Variants in VPS8 observed in about 807,000 individuals in gnomAD.
The protein encoded by VPS8 is vacuolar protein sorting-associated protein 8 homolog.
Under a neutral mutation model 216.4 loss-of-function variants are expected in VPS8, and 129 were observed. That is an observed-to-expected ratio of 0.60 (90% CI 0.52 to 0.69). The LOEUF (loss-of-function observed/expected upper bound fraction) is 0.69. Ranked by LOEUF, VPS8 falls within the 30% of genes least tolerant of loss-of-function variation. The pLI is 0.00. For missense variants in VPS8, 1,531 were observed against 1,683.5 expected (o/e 0.91, Z 1.59); for synonymous variants, 571 against 565.4 (o/e 1.01, Z -0.14).
intron 14 of VPS8, among the ~76,000 whole-genome samples, chr3:184,856,289 GTT>G (rs1725238436): frequency 1.3e-5 from 2 of 152,164 alleles, no homozygotes; most frequent in Non-Finnish European, 2.9e-5. Context: ...ACAGAAAATG[GTT>G]TAAGGATTGA....
At chr3:185,039,936 A>G (rs1440059165) in intron 46 of VPS8, among the ~76,000 whole-genome samples, 2 of 152,172 alleles carry the variant, frequency 1.3e-5, no homozygotes, top group East Asian at 3.9e-4. Flanking sequence ...CTTATCTGCT[A>G]TCTTGCAAAC....
In VPS8 at chr3:185,028,113, G is replaced by A. The variant is rs568006378; in HGVS notation, c.4056+3724G>A. ...GAGCTTTTTTTAGTGGCTGTCTTGC[G>A]GAGTTCGTGTTAGCTGGACTCTCCT... On this transcript the variant is annotated intron_variant, in intron 46 of 47. Coordinates refer to ENST00000625842, the MANE Select transcript of VPS8 (RefSeq NM_001009921.3). 9.9e-5 allele frequency among the ~76,000 whole-genome samples: 15 copies of A among 152,194 alleles called. No individual in the cohort carries two copies. In the South Asian group the frequency reaches 1.2e-3, roughly 13 times the overall value.
At chr3:184,843,301 G>A in intron 8 of VPS8, 56 bp downstream of exon 8, 1 of 1,256,502 alleles carries the variant, frequency 8.0e-7, no homozygotes, top group South Asian at 1.9e-5. Flanking sequence ...TTTTAATGTT[G>A]GAAGAGAATG....
intron 37 of VPS8, among the ~76,000 whole-genome samples, chr3:184,960,201 G>C (rs1190463001): frequency 6.6e-6 from 1 of 152,130 alleles, no homozygotes; most frequent in South Asian, 2.1e-4. Context: ...GTATTCCATG[G>C]TGTATATGTG....
At chr3:184,914,456 G>T (rs965744590) in intron 26 of VPS8, among the ~76,000 whole-genome samples, 1 of 152,198 alleles carries the variant, frequency 6.6e-6, no homozygotes, top group African/African-American at 2.4e-5. Flanking sequence ...AAGAAGGTTT[G>T]ATTTGGAGGT....
In VPS8 at chr3:184,944,529, A is replaced by G. The variant is rs554314429; in HGVS notation, c.3035+4286A>G. On this transcript the variant is annotated intron_variant, in intron 36 of 47. Transcript: ENST00000625842. ...TATGCAGTGGGGATGCTTAAAGGAT[A>G]ATACAAAAGGACACGTGTTTTTTGT... 2.5e-5 allele frequency: 25 copies of G among 985,428 alleles called. No homozygotes were observed. The South Asian group carries it at 1.2e-3, about 46-fold the overall frequency. 61.0% of individuals were successfully genotyped at this position (985,428 alleles called of 1,614,324 possible).
intron 46 of VPS8, among the ~76,000 whole-genome samples, chr3:185,026,537 G>A (rs1757381903): frequency 6.7e-6 from 1 of 149,686 alleles, no homozygotes; most frequent in African/African-American, 2.5e-5. Flanking sequence ...TCAGCCTCCT[G>A]AGTAGCTGGG....
intron 36 of VPS8, among the ~76,000 whole-genome samples, chr3:184,954,139 A>G (rs919903680): frequency 2.0e-5 from 3 of 152,140 alleles, no homozygotes; most frequent in African/African-American, 4.8e-5. Context: ...GGATATTACA[A>G]AGGATATAGG....
intron 21 of VPS8, among the ~76,000 whole-genome samples, chr3:184,879,135 A>T (rs1729821189): frequency 1.3e-5 from 2 of 152,228 alleles, no homozygotes. Context: ...CACTTCACAG[A>T]TGGTAAGATA....
chr3:185,024,583 G>A (rs560756260), intron 46 of VPS8, among the ~76,000 whole-genome samples, 194 bp downstream of exon 46: 4 of 152,262 alleles, frequency 2.6e-5, no homozygotes, highest in East Asian at 3.9e-4. Context: ...GTTGGGTTTC[G>A]ACATCAGTCT....
In VPS8 at chr3:184,907,547, C is replaced by T. The variant is rs542144961; in HGVS notation, c.2147-5972C>T. 2.0e-5 allele frequency among the ~76,000 whole-genome samples: 3 copies of T among 152,306 alleles called. No individual in the cohort carries two copies. The East Asian group carries it at 5.8e-4, about 29-fold the overall frequency. ...GGGGTCCCAAGATTTATTTTCCTTT[C>T]ACAAGTCTCTCCCAGCATATGCTGA... On this transcript the variant is annotated intron_variant, in intron 25 of 47. Coordinates refer to ENST00000625842, the MANE Select transcript of VPS8 (RefSeq NM_001009921.3).
chr3:184,844,280 G>T (rs1430160868), intron 8 of VPS8, among the ~76,000 whole-genome samples: 3 of 152,028 alleles, frequency 2.0e-5, no homozygotes, highest in Admixed American at 1.3e-4. Context: ...AATTAGCCAG[G>T]CATGGTGGCA....
chr3:184,958,035 C>T (rs1745912041), intron 37 of VPS8, among the ~76,000 whole-genome samples: 1 of 152,202 alleles, frequency 6.6e-6, no homozygotes, highest in Non-Finnish European at 1.5e-5. Context: ...TTTAACTTAA[C>T]AATCCTCAAT....
intron 20 of VPS8, among the ~76,000 whole-genome samples, chr3:184,870,099 T>G (rs1015209642): frequency 6.6e-6 from 1 of 152,164 alleles, no homozygotes; most frequent in African/African-American, 2.4e-5. Context: ...CATTTGTTAG[T>G]TTTTATAAAC....
intron 45 of VPS8, among the ~76,000 whole-genome samples, chr3:185,003,648 C>T (rs1284785551): frequency 1.3e-5 from 2 of 151,998 alleles, no homozygotes; most frequent in East Asian, 1.9e-4. Context: ...CATCATGGCC[C>T]GTTCTCAATG....
intron 42 of VPS8, among the ~76,000 whole-genome samples, chr3:184,989,147 T>G (rs1223787332): frequency 6.6e-6 from 1 of 152,134 alleles, no homozygotes; most frequent in Admixed American, 6.5e-5. Context: ...TCCAGTACAG[T>G]GTTGAATAGG....
rs1233368308 is a variant in VPS8, at chr3:184,862,923, C to G, written c.1251C>G (p.Leu417=). 2 of 1,613,564 alleles carry G rather than the reference C, an allele frequency of 1.2e-6. No homozygotes were observed. Among genetic ancestry groups the G allele is most frequent in the Admixed American group, 3.3e-5 (2 of 59,974 alleles). ...FTWINSRTVV[L]LDSVEKLHVI... Reference sequence around the variant, plus strand: ...GGATAAATTCACGCACAGTTGTGCTCTTAGACAGCGTAGAGAAGTTGCATG... The same window carrying G: ...GGATAAATTCACGCACAGTTGTGCTGTTAGACAGCGTAGAGAAGTTGCATG... Residue 417 remains leucine, a synonymous_variant, in exon 16 of 48, where the codon CTC becomes CTG. Transcript: ENST00000625842.
intron 37 of VPS8, among the ~76,000 whole-genome samples, 162 bp from the exon 38 acceptor site, chr3:184,964,306 T>C (rs1747024691): frequency 6.6e-6 from 1 of 152,166 alleles, no homozygotes; most frequent in Non-Finnish European, 1.5e-5. Context: ...TGATCTACTA[T>C]ATGACTAGAA....
At chr3:184,976,675 C>T (rs1749319504) in intron 40 of VPS8, among the ~76,000 whole-genome samples, 1 of 152,040 alleles carries the variant, frequency 6.6e-6, no homozygotes, top group Non-Finnish European at 1.5e-5. Context: ...TGACCATATG[C>T]CCAATGATTA....
Sources: gnomAD v4.1 joint callset for allele counts (sites outside exome capture counted in the v4.1 genomes callset) on GRCh38, gnomAD v4.1.1 for gene constraint, MANE v1.5 for transcripts, NCBI Gene and HGNC (gene_info 2026-07-23, HGNC 2026-07-21) for gene names.